The following RNF150 variants were observed in gnomAD, a reference collection of about 807,000 sequenced individuals.
The protein encoded by RNF150 is ring finger protein 150.
In RNF150, 24 loss-of-function variants were observed where a neutral mutation model predicts 39.3. The observed-to-expected ratio is 0.61, with a 90% CI of 0.44 to 0.86. RNF150 has a LOEUF of 0.86. Among genes scored for constraint, RNF150 ranks in the 40% least tolerant of loss-of-function variants. The pLI is 0.00. For missense variants in RNF150, 502 were observed against 587.8 expected (o/e 0.85, Z 1.51); for synonymous variants, 255 against 227.3 (o/e 1.12, Z -1.10).
In RNF150 at chr4:141,047,214, G is replaced by C. The variant is rs552682307; in HGVS notation, c.485-79341C>G. ...TGAAAATATTTAGAAAGCTAGTTTAGAAAAACTAGCTTTACTTGCTAGTTT... is the reference window on the plus strand; with the variant it reads ...TGAAAATATTTAGAAAGCTAGTTTACAAAAACTAGCTTTACTTGCTAGTTT... On this transcript the variant is annotated intron_variant, in intron 1 of 6. Coordinates refer to ENST00000515673, the MANE Select transcript of RNF150 (RefSeq NM_020724.2). Among the ~76,000 whole-genome samples, 8 of 152,226 alleles carry C rather than the reference G, an allele frequency of 5.3e-5. No individual in the cohort carries two copies. The East Asian group carries it at 1.5e-3, about 29-fold the overall frequency.
intron 1 of RNF150, among the ~76,000 whole-genome samples, chr4:141,193,465 C>T (rs1239845261): frequency 6.6e-6 from 1 of 152,196 alleles, no homozygotes; most frequent in Non-Finnish European, 1.5e-5. Flanking sequence ...AATTGTATTC[C>T]TTTCTTCACA....
chr4:141,057,596 T>C (rs1182152002), intron 1 of RNF150, among the ~76,000 whole-genome samples: 2 of 152,092 alleles, frequency 1.3e-5, no homozygotes, highest in Non-Finnish European at 2.9e-5. Context: ...TCTTATGACT[T>C]TGCATCCTCA....
chr4:141,101,659 A>G lies in RNF150; in HGVS notation c.484+30666T>C, dbSNP rs140788282. Among the ~76,000 whole-genome samples the G allele has an allele frequency of 3.1e-3, 467 of 152,344 alleles. 1 individual carries two copies. Among genetic ancestry groups the G allele is most frequent in the African/African-American group, 1.0e-2 (414 of 41,590 alleles). ...TGTGCTACACTTTTACAGGATTGGC[A>G]GCTCAGTAGGTTTGTTTACACCAGC... On this transcript the variant is annotated intron_variant, in intron 1 of 6. Transcript: ENST00000515673.
intron 1 of RNF150, among the ~76,000 whole-genome samples, chr4:141,153,772 T>C (rs1437308556): frequency 6.6e-6 from 1 of 151,832 alleles, no homozygotes; most frequent in Non-Finnish European, 1.5e-5. Flanking sequence ...CCACAGAGAG[T>C]AGAAATGATG....
At chr4:141,175,925 C>T (rs1158309446) in intron 1 of RNF150, among the ~76,000 whole-genome samples, 1 of 152,064 alleles carries the variant, frequency 6.6e-6, no homozygotes, top group African/African-American at 2.4e-5. Context: ...CACTCTGTCA[C>T]CCAGGCTTAA....
At chr4:141,015,939 G>C (rs115407902) in intron 1 of RNF150, among the ~76,000 whole-genome samples, 2,581 of 152,028 alleles carry the variant, frequency 0.017, 36 homozygotes, top group Non-Finnish European at 0.023. Context: ...CATTTTGGGG[G>C]GTGGGGTGTG....
intron 2 of RNF150, among the ~76,000 whole-genome samples, chr4:140,951,827 C>A (rs951420603): frequency 2.6e-5 from 4 of 152,072 alleles, no homozygotes; most frequent in African/African-American, 9.7e-5. Flanking sequence ...CCCAAACAAA[C>A]AAATACTGTT....
intron 1 of RNF150, among the ~76,000 whole-genome samples, chr4:140,970,614 C>T (rs1733427428): frequency 9.0e-6 from 1 of 111,190 alleles, no homozygotes; most frequent in Non-Finnish European, 2.0e-5. Context: ...CTCCACAAGG[C>T]TTTAAATACT....
At chr4:140,918,669 T>C (rs892019766) in intron 5 of RNF150, among the ~76,000 whole-genome samples, 3 of 151,806 alleles carry the variant, frequency 2.0e-5, no homozygotes, top group African/African-American at 7.3e-5. Context: ...GAGGAAATCC[T>C]CCCTAACTCA....
At chr4:141,068,400 T>G (rs1282218199) in intron 1 of RNF150, among the ~76,000 whole-genome samples, 4 of 152,202 alleles carry the variant, frequency 2.6e-5, no homozygotes, top group Non-Finnish European at 4.4e-5. Context: ...AGGGCTCTGT[T>G]CTGTTCCATT....
chr4:141,103,349 T>C lies in RNF150; in HGVS notation c.484+28976A>G, dbSNP rs1415654414. Reference sequence around the variant, plus strand: ...ACCCAAGAGCCCTTCCTTTTAATGATGGCTTCTATGAGCTAAAAACAGAAA... The same window carrying C: ...ACCCAAGAGCCCTTCCTTTTAATGACGGCTTCTATGAGCTAAAAACAGAAA... On this transcript the variant is annotated intron_variant, in intron 1 of 6. Coordinates refer to ENST00000515673, the MANE Select transcript of RNF150 (RefSeq NM_020724.2). Among the ~76,000 whole-genome samples, 6 of 152,346 alleles carry C rather than the reference T, an allele frequency of 3.9e-5. No individual in the cohort carries two copies. The East Asian group carries it at 1.2e-3, about 29-fold the overall frequency.
intron 5 of RNF150, among the ~76,000 whole-genome samples, chr4:140,925,501 C>A (rs1731358844): frequency 6.6e-6 from 1 of 152,178 alleles, no homozygotes; most frequent in South Asian, 2.1e-4. Flanking sequence ...TTAGCTGAGG[C>A]TTTGAGCCTG....
At chr4:140,869,194 C>T (rs1433898750) in intron 6 of RNF150, among the ~76,000 whole-genome samples, 1 of 152,118 alleles carries the variant, frequency 6.6e-6, no homozygotes, top group African/African-American at 2.4e-5. Context: ...TTCTAAAGGA[C>T]AATGTTGTTA....
At chr4:141,001,090 T>C (rs1734652137) in intron 1 of RNF150, among the ~76,000 whole-genome samples, 1 of 152,214 alleles carries the variant, frequency 6.6e-6, no homozygotes, top group African/African-American at 2.4e-5. Context: ...CATTAAGATA[T>C]AAGCCAGATA....
At position 141,173,099 on chromosome 4, in the gene RNF150, T is replaced by G. The variant is rs1578779998; in HGVS notation, c.-6+39695A>C. Among the ~76,000 whole-genome samples the G allele has an allele frequency of 2.0e-5, 3 of 152,292 alleles. No homozygotes were observed. In the East Asian group the frequency reaches 5.8e-4, roughly 29 times the overall value. On this transcript the variant is annotated intron_variant, in intron 1 of 7. Transcript: ENST00000420921. ...AGCAAAGTGCTACTGAAGACATGGT[T>G]TTCAAGAGAGACGCTACCTCCATTG... is the stretch of plus-strand genomic sequence containing the variant.
At chr4:140,984,380 G>C (rs988683567) in intron 1 of RNF150, among the ~76,000 whole-genome samples, 38 of 152,246 alleles carry the variant, frequency 2.5e-4, no homozygotes, top group African/African-American at 9.1e-4. Flanking sequence ...ATATGTAAGT[G>C]AACAGAGTCT....
At chr4:141,206,135 C>T (rs1360844093) in intron 1 of RNF150, among the ~76,000 whole-genome samples, 1 of 151,848 alleles carries the variant, frequency 6.6e-6, no homozygotes, top group Non-Finnish European at 1.5e-5. Context: ...AAAGAGTGTT[C>T]CTGGCCGGGC....
intron 2 of RNF150, 51 bp downstream of exon 2, chr4:140,967,572 A>C: frequency 6.6e-7 from 1 of 1,508,482 alleles, no homozygotes; most frequent in Non-Finnish European, 8.9e-7. Flanking sequence ...AAGATGTTTA[A>C]TAACATTTTT....
intron 1 of RNF150, among the ~76,000 whole-genome samples, chr4:140,969,152 T>C (rs556807804): frequency 3.4e-4 from 52 of 152,290 alleles, no homozygotes; most frequent in African/African-American, 1.1e-3. Context: ...CTTAGAATAT[T>C]ACTTAGGGCT....
Sources: gnomAD v4.1 joint callset for allele counts (sites outside exome capture counted in the v4.1 genomes callset) on GRCh38, gnomAD v4.1.1 for gene constraint, MANE v1.5 for transcripts, NCBI Gene and HGNC (gene_info 2026-07-23, HGNC 2026-07-21) for gene names.